Variants in XKR6 observed in about 807,000 individuals in gnomAD.
XKR6 encodes XK-related protein 6.
Under a neutral mutation model 56.7 loss-of-function variants are expected in XKR6, and 22 were observed. That is an observed-to-expected ratio of 0.39 (90% CI 0.28 to 0.55). The LOEUF (loss-of-function observed/expected upper bound fraction) is 0.55, where lower values mean the gene tolerates loss of function less well. XKR6 is among the 20% of genes least tolerant of loss of function. XKR6 has a pLI of 0.66. For missense variants in XKR6, 852 were observed against 889.0 expected (o/e 0.96, Z 0.53); for synonymous variants, 524 against 387.8 (o/e 1.35, Z -4.13).
intron 1 of XKR6, among the ~76,000 whole-genome samples, chr8:11,020,096 T>C (rs951101335): frequency 6.6e-6 from 1 of 151,678 alleles, no homozygotes; most frequent in African/African-American, 2.4e-5. Context: ...CAAGGCCCAG[T>C]CCCCTTTCCC....
At chr8:11,050,794 G>A (rs1799527697) in intron 1 of XKR6, among the ~76,000 whole-genome samples, 1 of 151,990 alleles carries the variant, frequency 6.6e-6, no homozygotes, top group Non-Finnish European at 1.5e-5. Context: ...GGATGACCAT[G>A]TCCCCAGAAC....
chr8:11,183,117 A>C (rs1803083336), intron 1 of XKR6, among the ~76,000 whole-genome samples: 1 of 152,070 alleles, frequency 6.6e-6, no homozygotes, highest in African/African-American at 2.4e-5. Context: ...ACTTGTGTTG[A>C]TGAAGGCTTA....
At chr8:11,131,893 A>G (rs1007203781) in intron 1 of XKR6, among the ~76,000 whole-genome samples, 1 of 152,160 alleles carries the variant, frequency 6.6e-6, no homozygotes, top group Non-Finnish European at 1.5e-5. Flanking sequence ...AGACTATACC[A>G]TCTAGGTTTG....
intron 1 of XKR6, among the ~76,000 whole-genome samples, chr8:11,007,652 G>A (rs1469099401): frequency 6.6e-6 from 1 of 152,136 alleles, no homozygotes; most frequent in Non-Finnish European, 1.5e-5. Flanking sequence ...ACACTCGGTG[G>A]AAGAGGCAGG....
At chr8:11,121,933 G>A (rs1203496757) in intron 1 of XKR6, among the ~76,000 whole-genome samples, 2 of 152,090 alleles carry the variant, frequency 1.3e-5, no homozygotes, top group Non-Finnish European at 2.9e-5. Context: ...ACTATCGCCA[G>A]GACAAAAAAC....
At chr8:10,926,954 C>G (rs191846386) in intron 1 of XKR6, among the ~76,000 whole-genome samples, 72 of 152,256 alleles carry the variant, frequency 4.7e-4, no homozygotes, top group Admixed American at 1.2e-3. Context: ...TAGAGATAGA[C>G]AGTGAGACAG....
chr8:11,010,779 T>G (rs1179989192), intron 1 of XKR6, among the ~76,000 whole-genome samples: 1 of 151,958 alleles, frequency 6.6e-6, no homozygotes, highest in Non-Finnish European at 1.5e-5. Context: ...TCCCCACCTT[T>G]TTTTTTTTTC....
At chr8:10,957,662 T>A (rs896713067) in intron 1 of XKR6, among the ~76,000 whole-genome samples, 4 of 152,124 alleles carry the variant, frequency 2.6e-5, no homozygotes, top group African/African-American at 9.7e-5. Context: ...TGATGCCCAG[T>A]CTCACTCTGG....
intron 1 of XKR6, among the ~76,000 whole-genome samples, chr8:11,183,784 A>G (rs758377168): frequency 6.6e-5 from 10 of 152,166 alleles, no homozygotes; most frequent in Admixed American, 2.0e-4. Context: ...CGGTTTTTGG[A>G]AAGTCTGGCC....
chr8:11,095,609 C>T (rs924488082), intron 1 of XKR6, among the ~76,000 whole-genome samples: 15 of 152,168 alleles, frequency 9.9e-5, no homozygotes, highest in South Asian at 2.1e-4. Context: ...TGTGACAAAA[C>T]GCACCCGCCA....
chr8:10,983,805 G>A (rs1052412520), intron 1 of XKR6, among the ~76,000 whole-genome samples: 3 of 151,880 alleles, frequency 2.0e-5, no homozygotes, highest in Admixed American at 1.3e-4. Context: ...ACAGGTGCCC[G>A]CCACCATGCC....
chr8:10,901,635 T>C (rs1039936279), intron 2 of XKR6, among the ~76,000 whole-genome samples: 2 of 152,200 alleles, frequency 1.3e-5, no homozygotes, highest in Non-Finnish European at 2.9e-5. Flanking sequence ...AGTAATCAGA[T>C]GGGAGTTCTA....
At chr8:10,966,600 G>A (rs891894573) in intron 1 of XKR6, among the ~76,000 whole-genome samples, 2 of 152,152 alleles carry the variant, frequency 1.3e-5, no homozygotes, top group Non-Finnish European at 2.9e-5. Context: ...CGTGAACCCA[G>A]GAGGCGGAGC....
At chr8:11,176,745 A>G (rs1446821683) in intron 1 of XKR6, among the ~76,000 whole-genome samples, 3 of 151,952 alleles carry the variant, frequency 2.0e-5, no homozygotes, top group Non-Finnish European at 4.4e-5. Context: ...GATCTGCAGT[A>G]TCTTCCTCAA....
At chr8:11,066,326 C>A (rs1163326467) in intron 1 of XKR6, among the ~76,000 whole-genome samples, 2 of 152,242 alleles carry the variant, frequency 1.3e-5, no homozygotes, top group Non-Finnish European at 2.9e-5. Context: ...CTGCCTCCCA[C>A]CATTTCTATT....
chr8:10,978,628 C>A (rs560268428), intron 1 of XKR6, among the ~76,000 whole-genome samples: 1 of 152,260 alleles, frequency 6.6e-6, no homozygotes. Context: ...AGATCATTCT[C>A]TGCCCTTAAC....
chr8:10,999,514 AT>A (rs1374759909), intron 1 of XKR6, among the ~76,000 whole-genome samples: 1 of 152,184 alleles, frequency 6.6e-6, no homozygotes, highest in African/African-American at 2.4e-5. Flanking sequence ...TTCAGAAGAA[AT>A]TTTTTCAAGA....
intron 2 of XKR6, among the ~76,000 whole-genome samples, chr8:10,915,911 G>C (rs567985141): frequency 2.0e-5 from 3 of 152,318 alleles, no homozygotes; most frequent in Admixed American, 1.3e-4. Flanking sequence ...GCCAGAGAAC[G>C]GGGTCAAGAG....
At chr8:11,061,965 C>G (rs558933399) in intron 1 of XKR6, among the ~76,000 whole-genome samples, 2 of 152,298 alleles carry the variant, frequency 1.3e-5, no homozygotes, top group South Asian at 4.1e-4. Flanking sequence ...CTCCTCCCTC[C>G]AAAGAGAAGG....
Sources: gnomAD v4.1 joint callset for allele counts (sites outside exome capture counted in the v4.1 genomes callset) on GRCh38, gnomAD v4.1.1 for gene constraint, MANE v1.5 for transcripts, NCBI Gene and HGNC (gene_info 2026-07-23, HGNC 2026-07-21) for gene names.